Variants in RALGAPA2 observed in about 807,000 individuals in gnomAD.
RALGAPA2 encodes the protein ral GTPase-activating protein subunit alpha-2.
In RALGAPA2, 139 loss-of-function variants were observed where a neutral mutation model predicts 230.4. The ratio of observed to expected loss-of-function variants is 0.60; its 90% CI spans 0.53 to 0.69. The LOEUF is 0.69. Ranked by LOEUF, RALGAPA2 falls within the 30% of genes least tolerant of loss-of-function variation. The probability of loss-of-function intolerance (pLI) is 0.00; values close to 1 mark genes in which losing one functional copy is unlikely to be tolerated. For synonymous variants in RALGAPA2, 847 were observed against 837.8 expected (o/e 1.01, Z -0.19); for missense variants, 2,163 against 2,276.0 (o/e 0.95, Z 1.01).
intron 24 of RALGAPA2, among the ~76,000 whole-genome samples, chr20:20,539,097 G>A (rs779312116): frequency 6.6e-6 from 1 of 152,020 alleles, no homozygotes; most frequent in African/African-American, 2.4e-5. Context: ...CTGCTGATGG[G>A]CATTTGGATT....
chr20:20,483,064 T>C (rs937480490), intron 36 of RALGAPA2, among the ~76,000 whole-genome samples: 10 of 152,300 alleles, frequency 6.6e-5, no homozygotes, highest in African/African-American at 1.9e-4. Context: ...ATTCACTGTG[T>C]GTGTCAGTAG....
In RALGAPA2 at chr20:20,505,574, T is replaced by C. The variant is rs373274335; in HGVS notation, c.4929-40A>G. On this transcript the variant is annotated intron_variant, in intron 33 of 39. Transcript: ENST00000202677. ...ATTTAAAGGAGTTAGAATTCTTATA[T>C]GTAAAATTTTACTTCACTACTATTA... The C allele has an allele frequency of 9.9e-5, 147 of 1,482,142 alleles. 1 individual carries two copies. The African/African-American group carries it at 1.7e-3, about 17-fold the overall frequency. The allele number at this position is 1,482,142 out of a possible 1,614,324, so 91.8% of individuals were successfully genotyped here.
At chr20:20,445,790 G>A (rs1337584589) in intron 37 of RALGAPA2, among the ~76,000 whole-genome samples, 1 of 152,104 alleles carries the variant, frequency 6.6e-6, no homozygotes, top group Non-Finnish European at 1.5e-5. Context: ...GAACTAGTAT[G>A]TAAAGAAGTA....
chr20:20,685,505 C>A (rs1417576516), intron 1 of RALGAPA2, among the ~76,000 whole-genome samples: 1 of 152,150 alleles, frequency 6.6e-6, no homozygotes, highest in Non-Finnish European at 1.5e-5. Context: ...AGAAAGAAAC[C>A]TCAGGGTCAG....
intron 3 of RALGAPA2, among the ~76,000 whole-genome samples, chr20:20,670,247 T>C (rs1026442453): frequency 2.0e-5 from 3 of 152,228 alleles, no homozygotes; most frequent in African/African-American, 7.2e-5. Context: ...TAGTATATGT[T>C]GATATAGACA....
chr20:20,653,497 T>G, intron 4 of RALGAPA2, 33 bp downstream of exon 4: 1 of 1,194,540 alleles, frequency 8.4e-7, no homozygotes, highest in Non-Finnish European at 1.2e-6. Flanking sequence ...TGGAAGAAAT[T>G]CATATTACTA....
chr20:20,660,492 CG>C (rs2067738715), intron 3 of RALGAPA2, among the ~76,000 whole-genome samples: 1 of 151,328 alleles, frequency 6.6e-6, no homozygotes, highest in Admixed American at 6.6e-5. Context: ...CAGAGTTGAT[CG>C]GAAGAGCATA....
At chr20:20,690,284 G>C (rs964185330) in intron 1 of RALGAPA2, among the ~76,000 whole-genome samples, 5 of 152,028 alleles carry the variant, frequency 3.3e-5, no homozygotes, top group African/African-American at 1.2e-4. Context: ...CACCCCACCA[G>C]AGTGATGGGA....
chr20:20,643,266 A>G (rs1042100247), intron 5 of RALGAPA2, among the ~76,000 whole-genome samples: 4 of 152,222 alleles, frequency 2.6e-5, no homozygotes, highest in African/African-American at 9.7e-5. Context: ...TCAGAATTAG[A>G]ACTCAGAACT....
intron 23 of RALGAPA2, among the ~76,000 whole-genome samples, chr20:20,567,323 G>A (rs187665500): frequency 6.6e-6 from 1 of 152,124 alleles, no homozygotes; most frequent in Non-Finnish European, 1.5e-5. Context: ...AACTATTTTG[G>A]GGAATTCTGA....
chr20:20,520,925 A>G lies in RALGAPA2; in HGVS notation c.4076T>C (p.Val1359Ala). Residue 1359 changes from valine (V) to alanine (A), a missense_variant, in exon 31 of 40, where the codon GTT becomes GCT. Coordinates refer to ENST00000202677, the MANE Select transcript of RALGAPA2 (RefSeq NM_020343.4). ...CCTGAAAGAATACTCACCCTCTTCA[A>G]CAGTCAGCAGGTTACCCAATTCTGC... The part of the protein sequence containing the change: ...SSAELGNLLT[V>A]EEEKKRRSLE... The G allele has an allele frequency of 6.2e-7, 1 of 1,606,668 alleles. No individual in the cohort carries two copies. The highest frequency in any genetic ancestry group is 1.1e-5 in the South Asian group (1 of 90,586).
At chr20:20,510,630 C>A (rs892997761) in intron 33 of RALGAPA2, among the ~76,000 whole-genome samples, 3 of 151,792 alleles carry the variant, frequency 2.0e-5, no homozygotes. Context: ...TATACTTATT[C>A]TTGACTTAGA....
chr20:20,596,853 G>C (rs2065470290), intron 16 of RALGAPA2, among the ~76,000 whole-genome samples: 1 of 152,204 alleles, frequency 6.6e-6, no homozygotes, highest in African/African-American at 2.4e-5. Flanking sequence ...GTGCATTGCA[G>C]ACTATTCAGC....
At chr20:20,537,616 T>C (rs1328969820) in intron 24 of RALGAPA2, among the ~76,000 whole-genome samples, 1 of 105,940 alleles carries the variant, frequency 9.4e-6, no homozygotes, top group Non-Finnish European at 1.7e-5. Context: ...TGAGACTCCA[T>C]CTCAAAAAAA....
chr20:20,559,818 C>T (rs1286690665), intron 23 of RALGAPA2, among the ~76,000 whole-genome samples: 3 of 152,052 alleles, frequency 2.0e-5, no homozygotes. Context: ...ACAACAATTT[C>T]GTCATCTGTA....
At chr20:20,569,185 C>T (rs2064545520) in intron 23 of RALGAPA2, among the ~76,000 whole-genome samples, 1 of 151,930 alleles carries the variant, frequency 6.6e-6, no homozygotes, top group Non-Finnish European at 1.5e-5. Flanking sequence ...AACTAATTAC[C>T]AGAGACATTT....
chr20:20,653,688 A>G, intron 3 of RALGAPA2, 101 bp from the exon 4 acceptor site: 1 of 650,034 alleles, frequency 1.5e-6, no homozygotes, highest in South Asian at 2.0e-5. Flanking sequence ...GAAGAGGAAA[A>G]GGAAACTATG....
rs2122571266 is a variant in RALGAPA2, at chr20:20,391,885, G to C, written c.*1404C>G. Reference sequence around the variant, plus strand: ...TAGGGGCTGCGTCTCTCGTGCTGCTGTCCCTTCCCACTGCAGGGCGTTGCT... The same window carrying C: ...TAGGGGCTGCGTCTCTCGTGCTGCTCTCCCTTCCCACTGCAGGGCGTTGCT... On this transcript the variant is annotated 3_prime_UTR_variant, in exon 40 of 40. Transcript: ENST00000202677. 6.6e-6 allele frequency: 1 copy of C among 152,636 alleles called. No individual in the cohort carries two copies. Among genetic ancestry groups the C allele is most frequent in the Admixed American group, 6.5e-5 (1 of 15,316 alleles). 9.5% of individuals were successfully genotyped at this position (152,636 alleles called of 1,614,324 possible). A position where few individuals can be genotyped will look rare whatever the true frequency, so the allele number is the denominator to read the frequency against.
chr20:20,617,512 T>C (rs2066185966), intron 12 of RALGAPA2, among the ~76,000 whole-genome samples: 2 of 152,258 alleles, frequency 1.3e-5, no homozygotes, highest in Admixed American at 6.5e-5. Context: ...ACAGATGATA[T>C]ATTGCAACAC....
Sources: gnomAD v4.1 joint callset for allele counts (sites outside exome capture counted in the v4.1 genomes callset) on GRCh38, gnomAD v4.1.1 for gene constraint, MANE v1.5 for transcripts, NCBI Gene and HGNC (gene_info 2026-07-23, HGNC 2026-07-21) for gene names.